Variants in SNTG2 observed in about 807,000 individuals in gnomAD.
SNTG2 encodes the protein syntrophin gamma 2.
In SNTG2, 74 loss-of-function variants were observed where a neutral mutation model predicts 70.9. The observed-to-expected ratio is 1.04, with a 90% CI of 0.86 to 1.27. The LOEUF (loss-of-function observed/expected upper bound fraction) is 1.27. Among genes scored for constraint, SNTG2 ranks in the 50% most tolerant of loss-of-function variants. SNTG2 has a pLI of 0.00. For missense variants in SNTG2, 717 were observed against 690.7 expected (o/e 1.04, Z -0.43); for synonymous variants, 278 against 273.8 (o/e 1.02, Z -0.15).
At chr2:1,007,338 G>A (rs976021699) in intron 1 of SNTG2, among the ~76,000 whole-genome samples, 2 of 152,136 alleles carry the variant, frequency 1.3e-5, no homozygotes, top group African/African-American at 4.8e-5. Context: ...TTACCTCATC[G>A]GTGGAGACAC....
intron 16 of SNTG2, among the ~76,000 whole-genome samples, chr2:1,346,784 C>A (rs961006241): frequency 6.6e-6 from 1 of 152,104 alleles, no homozygotes; most frequent in South Asian, 2.1e-4. Flanking sequence ...AGGGTGTGCA[C>A]TGCTTCAGCC....
chr2:1,227,370 C>T lies in SNTG2; in HGVS notation c.720-10518C>T, dbSNP rs72768867. 8.9e-3 allele frequency among the ~76,000 whole-genome samples: 1,362 copies of T among 152,336 alleles called. 19 individuals are homozygous for T. The highest frequency in any genetic ancestry group is 0.027 in the Middle Eastern group (8 of 294). On this transcript the variant is annotated intron_variant, in intron 9 of 16. Transcript: ENST00000308624. Reference sequence around the variant, plus strand: ...CCTGTCCAGCTGATGGCTGCTATGCCGAGGCCACGGATGGGTGGAGGACAG... The same window carrying T: ...CCTGTCCAGCTGATGGCTGCTATGCTGAGGCCACGGATGGGTGGAGGACAG...
chr2:1,062,580 T>G (rs971441771), intron 1 of SNTG2, among the ~76,000 whole-genome samples: 1 of 152,158 alleles, frequency 6.6e-6, no homozygotes. Context: ...ATCTCCAAAG[T>G]GTAACAGAAT....
chr2:1,204,626 GAGTAC>G (rs1439551844), intron 8 of SNTG2, among the ~76,000 whole-genome samples: 14 of 152,144 alleles, frequency 9.2e-5, no homozygotes, highest in Admixed American at 9.2e-4. Flanking sequence ...GGAGACGGAG[GAGTAC>G]AGTAAATAAG....
chr2:1,222,266 C>T (rs73173552), intron 9 of SNTG2, among the ~76,000 whole-genome samples: 3 of 152,144 alleles, frequency 2.0e-5, no homozygotes, highest in South Asian at 2.1e-4. Flanking sequence ...AAGGGATTAG[C>T]GCCCTGTCTA....
chr2:1,219,629 T>C (rs1334793562), intron 9 of SNTG2, among the ~76,000 whole-genome samples: 1 of 151,888 alleles, frequency 6.6e-6, no homozygotes, highest in Non-Finnish European at 1.5e-5. Context: ...AGGCCTCAAA[T>C]TGATTAAAAG....
At chr2:990,329 T>C (rs897448386) in intron 1 of SNTG2, among the ~76,000 whole-genome samples, 6 of 152,216 alleles carry the variant, frequency 3.9e-5, no homozygotes, top group African/African-American at 1.4e-4. Context: ...CCCAAGCCTC[T>C]GCAACCAAAT....
intron 16 of SNTG2, among the ~76,000 whole-genome samples, chr2:1,356,193 T>C (rs1301951681): frequency 6.6e-6 from 1 of 152,192 alleles, no homozygotes; most frequent in East Asian, 1.9e-4. Context: ...TCAGTTGACG[T>C]GGACCCAAAT....
At chr2:1,126,342 C>T (rs1183008118) in intron 4 of SNTG2, among the ~76,000 whole-genome samples, 2 of 152,248 alleles carry the variant, frequency 1.3e-5, no homozygotes, top group Non-Finnish European at 2.9e-5. Flanking sequence ...CTGAATAGTG[C>T]TCCACTGTGT....
intron 7 of SNTG2, among the ~76,000 whole-genome samples, chr2:1,168,877 G>A (rs1306160367): frequency 7.2e-5 from 11 of 152,166 alleles, no homozygotes; most frequent in South Asian, 6.2e-4. Flanking sequence ...TCCCAGGGCC[G>A]TAGAGGCAGA....
intron 1 of SNTG2, among the ~76,000 whole-genome samples, chr2:1,063,260 T>G (rs1353261108): frequency 6.6e-6 from 1 of 152,152 alleles, no homozygotes; most frequent in Non-Finnish European, 1.5e-5. Flanking sequence ...TCCTCACAGA[T>G]GAGCTAAGGA....
intron 1 of SNTG2, among the ~76,000 whole-genome samples, chr2:968,171 A>G (rs554866279): frequency 2.0e-5 from 3 of 151,944 alleles, no homozygotes; most frequent in Admixed American, 6.6e-5. Flanking sequence ...TTCAGCTTCT[A>G]TGATAAGGGC....
intron 1 of SNTG2, among the ~76,000 whole-genome samples, chr2:1,025,784 G>T (rs1224418061): frequency 2.0e-5 from 3 of 152,190 alleles, no homozygotes; most frequent in African/African-American, 7.2e-5. Context: ...AGTCTCATCT[G>T]CAATGTCCCC....
intron 1 of SNTG2, among the ~76,000 whole-genome samples, chr2:1,001,735 A>G (rs1312717894): frequency 6.6e-6 from 1 of 152,048 alleles, no homozygotes; most frequent in Non-Finnish European, 1.5e-5. Context: ...CAAAATATTA[A>G]TATCATTTTT....
chr2:1,040,151 A>G (rs1292517916), intron 1 of SNTG2, among the ~76,000 whole-genome samples: 2 of 152,154 alleles, frequency 1.3e-5, no homozygotes, highest in Non-Finnish European at 2.9e-5. Context: ...CGCCTGCATC[A>G]TTCTCTTACA....
intron 4 of SNTG2, among the ~76,000 whole-genome samples, chr2:1,111,534 C>T (rs898838378): frequency 6.6e-6 from 1 of 152,198 alleles, no homozygotes; most frequent in Non-Finnish European, 1.5e-5. Context: ...TCTACTTTGC[C>T]ATTGCTCCTC....
At chr2:1,263,151 A>T (rs989340117) in intron 13 of SNTG2, among the ~76,000 whole-genome samples, 1 of 152,246 alleles carries the variant, frequency 6.6e-6, no homozygotes, top group Non-Finnish European at 1.5e-5. Flanking sequence ...CTGAGTTCAG[A>T]GGAATCAAAG....
rs35624199 is a variant in SNTG2 at position 1,112,056 on chromosome 2, C to A, written c.325+13646C>A. 1.4e-5 allele frequency among the ~76,000 whole-genome samples: 2 copies of A among 144,300 alleles called. 1 individual carries two copies. Among genetic ancestry groups the A allele is most frequent in the African/African-American group, 5.1e-5 (2 of 39,058 alleles). 94.7% of individuals were successfully genotyped at this position (144,300 alleles called of 152,430 possible). On this transcript the variant is annotated intron_variant, in intron 4 of 16. Coordinates refer to ENST00000308624, the MANE Select transcript of SNTG2 (RefSeq NM_018968.4). ...TGTACTAAGTGAGGTTTTACCCTTA[C>A]AGTCCTTTGAGGAGGATCGTGTGTA...
At chr2:1,122,379 T>G (rs1304745466) in intron 4 of SNTG2, among the ~76,000 whole-genome samples, 1 of 152,078 alleles carries the variant, frequency 6.6e-6, no homozygotes, top group Non-Finnish European at 1.5e-5. Context: ...GCAAGCCAAG[T>G]CCAACAGCAC....
Sources: allele counts gnomAD v4.1 joint callset (sites outside exome capture counted in the v4.1 genomes callset), GRCh38; gene constraint gnomAD v4.1.1; transcripts MANE v1.5; gene names NCBI Gene and HGNC (gene_info 2026-07-23, HGNC 2026-07-21).